RIT2: variants seen among roughly 807,000 people sequenced by gnomAD.
RIT2 encodes the protein Ras like without CAAX 2.
A neutral mutation model predicts 23.7 loss-of-function variants in RIT2; 24 were observed. The observed-to-expected ratio is 1.01, with a 90% CI of 0.73 to 1.43. The LOEUF (loss-of-function observed/expected upper bound fraction) is 1.43. RIT2 is among the 40% of genes most tolerant of loss of function. RIT2 has a pLI of 0.00. For synonymous variants in RIT2, 107 were observed against 91.1 expected (o/e 1.17, Z -0.99); for missense variants, 236 against 266.9 (o/e 0.88, Z 0.81).
At chr18:43,080,792 G>T (rs1913139308) in intron 1 of RIT2, among the ~76,000 whole-genome samples, 2 of 152,124 alleles carry the variant, frequency 1.3e-5, no homozygotes, top group Non-Finnish European at 2.9e-5. Context: ...ATCACTTGCT[G>T]CCACTCACTT....
At chr18:42,753,677 C>T (rs998271503) in intron 4 of RIT2, among the ~76,000 whole-genome samples, 3 of 152,144 alleles carry the variant, frequency 2.0e-5, no homozygotes, top group African/African-American at 7.2e-5. Flanking sequence ...GTGAACAACA[C>T]ATCTTATTTG....
intron 4 of RIT2, among the ~76,000 whole-genome samples, chr18:42,768,123 C>T (rs964315899): frequency 6.6e-6 from 1 of 151,734 alleles, no homozygotes; most frequent in South Asian, 2.1e-4. Context: ...AAATAAGATG[C>T]AGTGATTTTT....
At chr18:42,906,169 CTGTT>C (rs1317807372) in intron 4 of RIT2, among the ~76,000 whole-genome samples, 1 of 151,714 alleles carries the variant, frequency 6.6e-6, no homozygotes, top group Non-Finnish European at 1.5e-5. Context: ...ATATGTTCCT[CTGTT>C]TGGGACACCC....
intron 4 of RIT2, among the ~76,000 whole-genome samples, chr18:42,771,314 T>C (rs1418219333): frequency 6.6e-6 from 1 of 152,184 alleles, no homozygotes; most frequent in Non-Finnish European, 1.5e-5. Context: ...GCCTCTATAA[T>C]GGTATTTATC....
intron 1 of RIT2, among the ~76,000 whole-genome samples, chr18:43,070,076 G>C (rs1267755210): frequency 6.6e-6 from 1 of 152,136 alleles, no homozygotes; most frequent in Non-Finnish European, 1.5e-5. Flanking sequence ...AAATGAATGA[G>C]CAAAGCAAGG....
intron 3 of RIT2, among the ~76,000 whole-genome samples, chr18:42,953,821 A>G (rs574538034): frequency 9.2e-5 from 14 of 152,306 alleles, no homozygotes; most frequent in African/African-American, 3.4e-4. Context: ...AAAATAAACT[A>G]CTTTAGAATA....
intron 2 of RIT2, among the ~76,000 whole-genome samples, chr18:42,980,540 AT>A (rs1303968269): frequency 6.6e-6 from 1 of 152,062 alleles, no homozygotes; most frequent in African/African-American, 2.4e-5. Flanking sequence ...CCCCCCGGAG[AT>A]TCCCAGTGTT....
chr18:42,770,799 G>C (rs1438321671), intron 4 of RIT2, among the ~76,000 whole-genome samples: 6 of 146,966 alleles, frequency 4.1e-5, no homozygotes, highest in African/African-American at 1.5e-4. Context: ...AAAAAAAAAA[G>C]AATAAAGAAA....
At chr18:43,040,818 C>T (rs1003330406) in intron 1 of RIT2, among the ~76,000 whole-genome samples, 13 of 151,670 alleles carry the variant, frequency 8.6e-5, no homozygotes, top group African/African-American at 2.7e-4. Context: ...TATACTTTCC[C>T]CCCCAAAAAA....
chr18:43,109,915 C>T (rs192202736), intron 1 of RIT2, among the ~76,000 whole-genome samples: 6 of 152,220 alleles, frequency 3.9e-5, no homozygotes, highest in Admixed American at 6.5e-5. Context: ...ACATTGGGAA[C>T]CTTTTTCTGC....
chr18:43,073,324 C>T (rs1439313887), intron 1 of RIT2, among the ~76,000 whole-genome samples: 2 of 152,148 alleles, frequency 1.3e-5, no homozygotes, highest in African/African-American at 4.8e-5. Flanking sequence ...CTATCATATG[C>T]TGGATATGAC....
intron 4 of RIT2, among the ~76,000 whole-genome samples, chr18:42,753,118 A>G (rs976581119): frequency 6.6e-6 from 1 of 152,258 alleles, no homozygotes; most frequent in Non-Finnish European, 1.5e-5. Context: ...CCACTGGGGC[A>G]AAAAGGCAGG....
chr18:42,997,440 C>T lies in RIT2; in HGVS notation c.161-23293G>A, dbSNP rs138896475. Among the ~76,000 whole-genome samples the T allele has an allele frequency of 1.1e-3, 160 of 148,790 alleles. 6 individuals are homozygous for T. The East Asian group carries it at 0.024, about 22-fold the overall frequency. On this transcript the variant is annotated intron_variant, in intron 2 of 4. Coordinates refer to ENST00000326695, the MANE Select transcript of RIT2 (RefSeq NM_002930.4). ...AAAGAAAAAAAACAAAAAAAAGGAA[C>T]GAAAGAAAGAAAGAAGAGAGAGAAG...
chr18:43,088,058 G>T (rs912214569), intron 1 of RIT2, among the ~76,000 whole-genome samples: 1 of 152,118 alleles, frequency 6.6e-6, no homozygotes, highest in Non-Finnish European at 1.5e-5. Context: ...TCCAATTCCT[G>T]TACATAATAG....
At chr18:42,937,050 G>A (rs998797404) in intron 3 of RIT2, among the ~76,000 whole-genome samples, 2 of 151,630 alleles carry the variant, frequency 1.3e-5, no homozygotes, top group Non-Finnish European at 2.9e-5. Flanking sequence ...GTGACTTGAG[G>A]GAACCACAAA....
chr18:42,814,540 A>G (rs1201915845), intron 4 of RIT2, among the ~76,000 whole-genome samples: 1 of 152,086 alleles, frequency 6.6e-6, no homozygotes, highest in Non-Finnish European at 1.5e-5. Flanking sequence ...CCTCACCCCC[A>G]TCCCCCACAG....
At chr18:43,024,865 A>G (rs946766155) in intron 2 of RIT2, among the ~76,000 whole-genome samples, 7 of 152,094 alleles carry the variant, frequency 4.6e-5, no homozygotes, top group African/African-American at 1.4e-4. Context: ...GAGGAATGCA[A>G]ATTAGAACAA....
chr18:42,969,348 AG>A (rs904967786), intron 3 of RIT2, among the ~76,000 whole-genome samples: 3 of 152,170 alleles, frequency 2.0e-5, no homozygotes, highest in African/African-American at 7.2e-5. Context: ...TGGGGAAGAA[AG>A]GAAAAAAATA....
At chr18:43,089,880 A>G (rs1173851913) in intron 1 of RIT2, among the ~76,000 whole-genome samples, 1 of 152,144 alleles carries the variant, frequency 6.6e-6, no homozygotes, top group Non-Finnish European at 1.5e-5. Context: ...TTCATATACA[A>G]AAAGTAAATC....
Sources: allele counts gnomAD v4.1 joint callset (sites outside exome capture counted in the v4.1 genomes callset), GRCh38; gene constraint gnomAD v4.1.1; transcripts MANE v1.5; gene names NCBI Gene and HGNC (gene_info 2026-07-23, HGNC 2026-07-21).